Variants in DNAJC5 observed in about 807,000 individuals in gnomAD.
DNAJC5 encodes the protein dnaJ homolog subfamily C member 5.
DNAJC5 carries 1 observed loss-of-function variant against 23.2 expected under a neutral mutation model. The observed-to-expected ratio is 0.04, with a 90% confidence interval of 0.02 to 0.20. The LOEUF is 0.20. Ranked by LOEUF, DNAJC5 falls within the 10% of genes least tolerant of loss-of-function variation. The pLI is 1.00. For synonymous variants in DNAJC5, 136 were observed against 120.0 expected, an observed-to-expected ratio of 1.13 and a Z score of -0.87; for missense variants, 180 against 267.0, an observed-to-expected ratio of 0.67 and a Z score of 2.27.
intron 1 of DNAJC5, among the ~76,000 whole-genome samples, chr20:63,911,482 C>T (rs536127868): frequency 3.9e-5 from 6 of 152,158 alleles, no homozygotes; most frequent in Non-Finnish European, 7.3e-5. Context: ...CTCGGCCGGG[C>T]GCTGCCATGG....
intron 1 of DNAJC5, among the ~76,000 whole-genome samples, chr20:63,900,576 C>CAAAAAAAAA (rs752326573): frequency 9.2e-5 from 6 of 65,266 alleles, no homozygotes; most frequent in African/African-American, 3.2e-4. Context: ...GACACTGTCT[C>CAAAAAAAAA]AAAAAAAAAA....
At position 63,932,666 on chromosome 20, in the gene DNAJC5, A is replaced by G. The variant is rs2053683290; in HGVS notation, c.*1098A>G. ...GCCCCGTCATCGATGATTCAGGCAG[A>G]GCCAGATTCGTTAGGTCCCTGGAGG... is the stretch of plus-strand genomic sequence containing the variant. On this transcript the variant is annotated 3_prime_UTR_variant, in exon 5 of 5. Transcript: ENST00000360864. This position sits in a 1 kb window ranked among gnomAD's most constrained non-coding sequence, Gnocchi z 4.4. The G allele has an allele frequency of 3.9e-5, 6 of 152,386 alleles. No homozygotes were observed. The highest frequency in any genetic ancestry group is 3.9e-4 in the Admixed American group (6 of 15,276). The allele number at this position is 152,386 out of a possible 1,614,324, so 9.4% of individuals were successfully genotyped here. A position where few individuals can be genotyped will look rare whatever the true frequency, so the allele number is the denominator to read the frequency against.
At chr20:63,907,465 G>A (rs2053454934) in intron 1 of DNAJC5, among the ~76,000 whole-genome samples, 1 of 152,122 alleles carries the variant, frequency 6.6e-6, no homozygotes. Flanking sequence ...ATGCCCATTC[G>A]ACAAAGAGGA....
rs745355168 is a variant in DNAJC5, at chr20:63,929,263, G to A, written c.108-49G>A. On this transcript the variant is annotated intron_variant, in intron 2 of 4. Coordinates refer to ENST00000360864, the MANE Select transcript of DNAJC5 (RefSeq NM_025219.3). The surrounding 1 kb of genome is among the most constrained non-coding windows in gnomAD (Gnocchi z 8.6). ...GTGGGATGGACGCGGCGGCGGGTGC[G>A]GGTGGAACAAAGTCCAGGGTAGAGC... 4.2e-5 allele frequency: 67 copies of A among 1,580,378 alleles called. 1 individual carries two copies. The Middle Eastern group carries it at 5.0e-4, about 12-fold the overall frequency.
chr20:63,915,524 A>C (rs1014179391), intron 1 of DNAJC5, among the ~76,000 whole-genome samples: 1 of 152,194 alleles, frequency 6.6e-6, no homozygotes, highest in African/African-American at 2.4e-5. Flanking sequence ...TAACCAGTGA[A>C]GGGTCGGTGT....
Position 63,920,013 on chromosome 20 carries a change from A to G in DNAJC5, c.-11-8322A>G. The G allele has an allele frequency of 5.4e-6, 2 of 373,734 alleles. No homozygotes were observed. Among genetic ancestry groups the G allele is most frequent in the Non-Finnish European group, 1.0e-5 (2 of 200,266 alleles). 23.2% of individuals were successfully genotyped at this position (373,734 alleles called of 1,614,324 possible). A position where few individuals can be genotyped will look rare whatever the true frequency, so the allele number is the denominator to read the frequency against. Reference sequence around the variant, plus strand: ...TGTGCCCAGGGCCCGGGACAGCGCCACGGAAGAGGACGCACCCGGCTGTGT... The same window carrying G: ...TGTGCCCAGGGCCCGGGACAGCGCCGCGGAAGAGGACGCACCCGGCTGTGT... On this transcript the variant is annotated intron_variant, in intron 1 of 4. Transcript: ENST00000360864. The surrounding 1 kb of genome is among the most constrained non-coding windows in gnomAD (Gnocchi z 4.6).
At chr20:63,906,898 G>A (rs534855614) in intron 1 of DNAJC5, among the ~76,000 whole-genome samples, 4 of 152,256 alleles carry the variant, frequency 2.6e-5, no homozygotes, top group South Asian at 4.1e-4. Flanking sequence ...GAGCTCAGGA[G>A]TTTGCCTAGC....
rs1019978454 is a variant in DNAJC5 at position 63,934,407 on chromosome 20, T to C, written c.*2839T>C. 12 of 152,400 alleles carry C rather than the reference T, an allele frequency of 7.9e-5. No homozygotes were observed. Among genetic ancestry groups the C allele is most frequent in the East Asian group, 3.9e-4 (2 of 5,174 alleles). The allele number at this position is 152,400 out of a possible 1,614,324, so 9.4% of individuals were successfully genotyped here. On this transcript the variant is annotated 3_prime_UTR_variant, in exon 5 of 5. Coordinates refer to ENST00000360864, the MANE Select transcript of DNAJC5 (RefSeq NM_025219.3). ...ACAATGCTGTGAGCAAGTGTGGCCA[T>C]GGGCACAGAATGTCCCTTTGGACGC...
intron 1 of DNAJC5, among the ~76,000 whole-genome samples, chr20:63,921,408 G>T (rs530611084): frequency 6.6e-6 from 1 of 151,830 alleles, no homozygotes; most frequent in South Asian, 2.1e-4. Flanking sequence ...TGGCTAACAC[G>T]GTGAAACCCC....
In DNAJC5 at chr20:63,931,581, C is replaced by G. The variant is rs370517092; in HGVS notation, c.*13C>G. On this transcript the variant is annotated 3_prime_UTR_variant, in exon 5 of 5. Coordinates refer to ENST00000360864, the MANE Select transcript of DNAJC5 (RefSeq NM_025219.3). The surrounding 1 kb of genome is among the most constrained non-coding windows in gnomAD (Gnocchi z 9.6). ...CGGGTTCAACTAAATCCAGGAGGAG[C>G]TGTGGTCAGAGGAGGAGCCGGCGCC... 5.0e-5 allele frequency: 78 copies of G among 1,549,952 alleles called. No individual in the cohort carries two copies. The African/African-American group carries it at 1.0e-3, about 20-fold the overall frequency.
At chr20:63,927,190 C>T (rs2053623413) in intron 1 of DNAJC5, among the ~76,000 whole-genome samples, 1 of 152,144 alleles carries the variant, frequency 6.6e-6, no homozygotes, top group South Asian at 2.1e-4. Flanking sequence ...ACTGTCACGT[C>T]ATGGTGGTTG....
intron 1 of DNAJC5, among the ~76,000 whole-genome samples, chr20:63,897,679 G>T (rs1430731843): frequency 6.6e-6 from 1 of 152,194 alleles, no homozygotes; most frequent in East Asian, 1.9e-4. Flanking sequence ...ATACTCCGTC[G>T]TGACATTTGG....
At chr20:63,907,826 C>T (rs922876147) in intron 1 of DNAJC5, among the ~76,000 whole-genome samples, 3 of 152,160 alleles carry the variant, frequency 2.0e-5, no homozygotes, top group African/African-American at 4.8e-5. Context: ...AGTGCAGTGG[C>T]GCGATCTCGG....
chr20:63,914,029 GGGGACCA>G lies in DNAJC5; in HGVS notation c.-11-14305_-11-14299del, dbSNP rs1185812250. On this transcript the variant is annotated intron_variant, in intron 1 of 4. Transcript: ENST00000360864. ...GCCACCTGCCCAGCCACCATCTTGGGGGGACCACAGGAGGCTGGGGAGAGAGCGAGGC... is the reference window on the plus strand; with the variant it reads ...GCCACCTGCCCAGCCACCATCTTGGGCAGGAGGCTGGGGAGAGAGCGAGGC... 2.6e-4 allele frequency among the ~76,000 whole-genome samples: 40 copies of G among 152,260 alleles called. 1 individual carries two copies. The highest frequency in any genetic ancestry group is 3.8e-4 in the Non-Finnish European group (26 of 68,024).
At position 63,928,575 on chromosome 20, in the gene DNAJC5, G is replaced by T. The variant is rs1568988716; in HGVS notation, c.107+123G>T. ...ATCCTGGCCGACTCAGCGTTGAACT[G>T]GTCACAGCTCGGTAACACCTTTGTA... On this transcript the variant is annotated intron_variant, in intron 2 of 4. Transcript: ENST00000360864. The surrounding 1 kb of genome is among the most constrained non-coding windows in gnomAD (Gnocchi z 4.6). The T allele has an allele frequency of 1.3e-6, 1 of 792,888 alleles. No homozygotes were observed. Among genetic ancestry groups the T allele is most frequent in the African/African-American group, 1.7e-5 (1 of 58,848 alleles). 49.1% of individuals were successfully genotyped at this position (792,888 alleles called of 1,614,324 possible). A position where few individuals can be genotyped will look rare whatever the true frequency, so the allele number is the denominator to read the frequency against.
At chr20:63,926,277 C>T (rs1366879679) in intron 1 of DNAJC5, among the ~76,000 whole-genome samples, 3 of 152,140 alleles carry the variant, frequency 2.0e-5, no homozygotes, top group Admixed American at 6.6e-5. Flanking sequence ...TGAAGTTGTT[C>T]GTATTTTATC....
intron 1 of DNAJC5, among the ~76,000 whole-genome samples, chr20:63,909,673 T>C (rs911480750): frequency 3.9e-5 from 6 of 152,214 alleles, no homozygotes; most frequent in African/African-American, 1.4e-4. Context: ...AGAGCAAGAC[T>C]CCGTCTCAAA....
At chr20:63,916,973 A>G (rs1371137875) in intron 1 of DNAJC5, among the ~76,000 whole-genome samples, 2 of 152,196 alleles carry the variant, frequency 1.3e-5, no homozygotes, top group East Asian at 1.9e-4. Flanking sequence ...TTCTTTTTCA[A>G]GGTGTACTGA....
chr20:63,895,518 A>G (rs1381509612), intron 1 of DNAJC5, among the ~76,000 whole-genome samples, 195 bp downstream of exon 1: 1 of 143,824 alleles, frequency 7.0e-6, no homozygotes, highest in Non-Finnish European at 1.5e-5. Flanking sequence ...GGGCGCGGGA[A>G]GGTCGGCGCC....
Sources: gnomAD v4.1 joint callset for allele counts (sites outside exome capture counted in the v4.1 genomes callset) on GRCh38, gnomAD v4.1.1 for gene constraint, Gnocchi (gnomAD v3.1) non-coding constraint, MANE v1.5 for transcripts, NCBI Gene and HGNC (gene_info 2026-07-23, HGNC 2026-07-21) for gene names.